Variants in RPAP3 observed in about 807,000 individuals in gnomAD.
The protein encoded by RPAP3 is RNA polymerase II-associated protein 3.
RPAP3 carries 58 observed loss-of-function variants against 88.8 expected under a neutral mutation model. The observed-to-expected ratio is 0.65, with a 90% confidence interval of 0.53 to 0.81. The LOEUF is 0.81. Ranked by LOEUF, RPAP3 falls within the 40% of genes least tolerant of loss-of-function variation. RPAP3 has a pLI of 0.00. For synonymous variants in RPAP3, 255 were observed against 259.9 expected, an observed-to-expected ratio of 0.98 and a Z score of 0.18; for missense variants, 751 against 764.3, an observed-to-expected ratio of 0.98 and a Z score of 0.20.
chr12:47,700,502 AT>A (rs1053869538), intron 3 of RPAP3, among the ~76,000 whole-genome samples: 3 of 152,258 alleles, frequency 2.0e-5, no homozygotes, highest in Non-Finnish European at 4.4e-5. Context: ...AGGAATATAT[AT>A]TCCAAATTCA....
At chr12:47,691,786 G>A (rs913912727) in intron 5 of RPAP3, among the ~76,000 whole-genome samples, 8 of 150,452 alleles carry the variant, frequency 5.3e-5, no homozygotes, top group South Asian at 2.1e-4. Context: ...TTGCTCTGTC[G>A]CCCAGGCTGG....
intron 12 of RPAP3, among the ~76,000 whole-genome samples, chr12:47,674,231 T>C (rs1238653744): frequency 6.6e-6 from 1 of 151,888 alleles, no homozygotes; most frequent in Non-Finnish European, 1.5e-5. Context: ...GATTTCTACA[T>C]TTCCAACTGA....
At chr12:47,692,465 T>C (rs892198969) in intron 5 of RPAP3, among the ~76,000 whole-genome samples, 5 of 152,364 alleles carry the variant, frequency 3.3e-5, no homozygotes, top group African/African-American at 9.6e-5. Context: ...TTAAACCTCA[T>C]GAACCAACTT....
intron 5 of RPAP3, among the ~76,000 whole-genome samples, chr12:47,694,912 T>C (rs1939494406): frequency 6.6e-6 from 1 of 152,182 alleles, no homozygotes; most frequent in South Asian, 2.1e-4. Context: ...TATTATACAC[T>C]GCTAATGAGA....
Position 47,690,605 on chromosome 12 carries a change from C to T in RPAP3, c.580G>A (p.Val194Ile). Residue 194 changes from valine to isoleucine, a missense_variant, in exon 6 of 17, where the codon GTT (valine) becomes ATT (isoleucine). By Grantham distance (29) the Val-to-Ile change is conservative. Coordinates refer to ENST00000005386, the MANE Select transcript of RPAP3 (RefSeq NM_024604.3). ...AVAESDCNLA[V>I]ALNRSYTKAY... is the part of the protein sequence containing the mutation. The stretch of plus-strand genomic sequence containing the variant: ...TTTGTATAACTTCTATTCAAGGCAA[C>T]TGCTAAATTACAATCAGACTCAGCA... 1 of 1,573,638 alleles carries T rather than the reference C, an allele frequency of 6.4e-7. No individual in the cohort carries two copies. Among genetic ancestry groups the T allele is most frequent in the Non-Finnish European group, 8.6e-7 (1 of 1,156,236 alleles).
intron 3 of RPAP3, among the ~76,000 whole-genome samples, chr12:47,699,119 C>G (rs779411885): frequency 1.3e-5 from 2 of 152,106 alleles, no homozygotes; most frequent in Non-Finnish European, 2.9e-5. Flanking sequence ...CAGATCTGAA[C>G]TAGAATGAAA....
chr12:47,690,439 G>T, intron 6 of RPAP3, 79 bp downstream of exon 6: 1 of 1,184,808 alleles, frequency 8.4e-7, no homozygotes, highest in Non-Finnish European at 1.1e-6. Flanking sequence ...GGTAGTAACT[G>T]TGATTACTCA....
At chr12:47,688,759 T>C (rs1190854085) in intron 7 of RPAP3, among the ~76,000 whole-genome samples, 2 of 152,202 alleles carry the variant, frequency 1.3e-5, no homozygotes, top group Non-Finnish European at 1.5e-5. Context: ...TGTGCAATAG[T>C]AGTGGTAATA....
Position 47,667,862 on chromosome 12 carries a change from A to C in RPAP3, c.1714-11T>G, listed in dbSNP as rs1394210280. ...AGATGGTTCAATTTGCTTGAAAAAA[A>C]AATAAAAAGACAATTACTTGATGGC... On this transcript the variant is annotated splice_polypyrimidine_tract_variant and intron_variant, in intron 14 of 16. Coordinates refer to ENST00000005386, the MANE Select transcript of RPAP3 (RefSeq NM_024604.3). 1 of 1,528,490 alleles carries C rather than the reference A, an allele frequency of 6.5e-7. No individual in the cohort carries two copies. The highest frequency in any genetic ancestry group is 2.3e-5 in the East Asian group (1 of 44,312). 94.7% of individuals were successfully genotyped at this position (1,528,490 alleles called of 1,614,324 possible).
chr12:47,663,271 T>C lies in RPAP3; in HGVS notation c.*234A>G, dbSNP rs1358794185. 2 of 333,802 alleles carry C rather than the reference T, an allele frequency of 6.0e-6. No homozygotes were observed. The highest frequency in any genetic ancestry group is 4.9e-5 in the Admixed American group (1 of 20,370). 20.7% of individuals were successfully genotyped at this position (333,802 alleles called of 1,614,324 possible). On this transcript the variant is annotated 3_prime_UTR_variant, in exon 17 of 17. Coordinates refer to ENST00000005386, the MANE Select transcript of RPAP3 (RefSeq NM_024604.3). ...ATTTAAAATGACTCATAAAATAAAA[T>C]GCTGATCCTTACAAATGTATCTCAT...
intron 9 of RPAP3, among the ~76,000 whole-genome samples, chr12:47,685,015 C>T (rs1288892036): frequency 2.0e-5 from 3 of 152,138 alleles, no homozygotes; most frequent in African/African-American, 7.2e-5. Context: ...CACTAAACTT[C>T]AAATAAAATT....
chr12:47,674,084 T>TAAAAAAAAAAAAA lies in RPAP3; in HGVS notation c.1288-3752_1288-3740dup, dbSNP rs34101861. Among the ~76,000 whole-genome samples the TAAAAAAAAAAAAA allele has an allele frequency of 1.6e-5, 2 of 123,336 alleles. 1 individual carries two copies. The highest frequency in any genetic ancestry group is 3.3e-5 in the Non-Finnish European group (2 of 60,644). 80.9% of individuals were successfully genotyped at this position (123,336 alleles called of 152,430 possible). Reference sequence around the variant, plus strand: ...CCTAGGAAGTATTTTTTAAAGATTCTAAAAAAAAAAAAAAAAAAAAAGTGC... The same window carrying TAAAAAAAAAAAAA: ...CCTAGGAAGTATTTTTTAAAGATTCTAAAAAAAAAAAAAAAAAAAAAAAAAAAAAAAAAAGTGC... On this transcript the variant is annotated intron_variant, in intron 12 of 16. Transcript: ENST00000005386.
intron 1 of RPAP3, among the ~76,000 whole-genome samples, chr12:47,703,083 A>T (rs1939689581): frequency 6.6e-6 from 1 of 152,238 alleles, no homozygotes; most frequent in East Asian, 1.9e-4. Flanking sequence ...ACATTAAAGA[A>T]AGGTAATGGG....
intron 1 of RPAP3, among the ~76,000 whole-genome samples, chr12:47,704,539 T>C (rs1297312880): frequency 6.7e-6 from 1 of 148,376 alleles, no homozygotes; most frequent in Admixed American, 6.7e-5. Context: ...CGGCTAATTT[T>C]TGTATTTTTT....
chr12:47,673,418 G>C (rs895863890), intron 12 of RPAP3, among the ~76,000 whole-genome samples: 2 of 146,514 alleles, frequency 1.4e-5, no homozygotes, highest in Non-Finnish European at 3.0e-5. Flanking sequence ...ACTCCAGCCT[G>C]GGGGACAAAG....
Position 47,687,956 on chromosome 12 carries a change from C to A in RPAP3, c.784G>T (p.Val262Leu), listed in dbSNP as rs779747752. The A allele has an allele frequency of 6.2e-7, 1 of 1,613,448 alleles. No individual in the cohort carries two copies. The highest frequency in any genetic ancestry group is 8.5e-7 in the Non-Finnish European group (1 of 1,179,604). The change falls in exon 8 of 17, where the codon GTG (valine) becomes TTG (leucine). Residue 262 changes from valine to leucine, a missense_variant. Coordinates refer to ENST00000005386, the MANE Select transcript of RPAP3 (RefSeq NM_024604.3). ...CGCTCTCCTTCTGTTGACTTAATCA[C>A]TATGTCAGCTTCCTTTGGATATGAG... ...ENSYPKEADI[V>L]IKSTEGERKQ...
At chr12:47,704,493 C>T (rs1470797818) in intron 1 of RPAP3, among the ~76,000 whole-genome samples, 1 of 151,744 alleles carries the variant, frequency 6.6e-6, no homozygotes, top group African/African-American at 2.4e-5. Flanking sequence ...CTCAGCCTCC[C>T]GAGCAGCTGG....
Position 47,701,779 on chromosome 12 carries a change from A to G in RPAP3, c.154-175T>C, listed in dbSNP as rs138352475. ...ATAACAATTATACTTTAAAAGTTTA[A>G]TTCATACTTTGATGAGTGTTGAACA... On this transcript the variant is annotated intron_variant, in intron 2 of 16. Transcript: ENST00000005386. 3.6e-3 allele frequency among the ~76,000 whole-genome samples: 545 copies of G among 152,362 alleles called. 3 individuals carry two copies. Among genetic ancestry groups the G allele is most frequent in the African/African-American group, 0.012 (505 of 41,588 alleles).
At position 47,667,047 on chromosome 12, in the gene RPAP3, T is replaced by A; in HGVS notation, c.1845A>T (p.Leu615Phe). Reference protein sequence around the residue: ...KEKPLLIFEILQRLSELKRFD... With the variant: ...KEKPLLIFEIFQRLSELKRFD... ...ACCTTTTTAGTTCAGAAAGTCTTTG[T>A]AAGATTTCAAAGATGAGTAATGGCT... The change falls in exon 16 of 17, where the codon TTA becomes TTT. Residue 615 changes from leucine to phenylalanine, a missense_variant. Transcript: ENST00000005386. 1 of 1,515,718 alleles carries A rather than the reference T, an allele frequency of 6.6e-7. No homozygotes were observed. The allele number at this position is 1,515,718 out of a possible 1,614,324, so 93.9% of individuals were successfully genotyped here.
Sources: allele counts gnomAD v4.1 joint callset (sites outside exome capture counted in the v4.1 genomes callset), GRCh38; gene constraint gnomAD v4.1.1; transcripts MANE v1.5; gene names NCBI Gene and HGNC (gene_info 2026-07-23, HGNC 2026-07-21).